Variants in SNRPC observed in about 807,000 individuals in gnomAD.
SNRPC encodes the protein U1 small nuclear ribonucleoprotein C.
A neutral mutation model predicts 20.0 loss-of-function variants in SNRPC; 5 were observed. The ratio of observed to expected loss-of-function variants is 0.25; its 90% CI spans 0.13 to 0.53. The LOEUF (loss-of-function observed/expected upper bound fraction) is 0.53, where lower values mean the gene tolerates loss of function less well. Among genes scored for constraint, SNRPC ranks in the 20% least tolerant of loss-of-function variants. The pLI is 0.96. For synonymous variants in SNRPC, 61 were observed against 58.7 expected (o/e 1.04, Z -0.18); for missense variants, 112 against 224.1 (o/e 0.50, Z 3.19).
At chr6:34,759,799 C>T (rs1474218313) in intron 2 of SNRPC, among the ~76,000 whole-genome samples, 1 of 152,188 alleles carries the variant, frequency 6.6e-6, no homozygotes, top group Non-Finnish European at 1.5e-5. Flanking sequence ...GTCTCAGAGA[C>T]CCTTAGATGT....
At chr6:34,768,630 T>C (rs1206226926) in intron 4 of SNRPC, among the ~76,000 whole-genome samples, 1 of 151,710 alleles carries the variant, frequency 6.6e-6, no homozygotes, top group Admixed American at 6.6e-5. Flanking sequence ...TGCACGTCTG[T>C]AGTCCCAGCT....
chr6:34,763,136 T>G (rs998486117), intron 3 of SNRPC, among the ~76,000 whole-genome samples: 6 of 152,178 alleles, frequency 3.9e-5, no homozygotes, highest in African/African-American at 9.7e-5. Flanking sequence ...GTAGTCCTGA[T>G]AGAGTACTAG....
rs114473576 is a variant in SNRPC, at chr6:34,762,573, A to G, written c.52-22A>G. 1.6e-3 allele frequency: 2,080 copies of G among 1,277,478 alleles called. 31 individuals are homozygous for G. The African/African-American group carries it at 0.026, about 16-fold the overall frequency. The allele number at this position is 1,277,478 out of a possible 1,614,324, so 79.1% of individuals were successfully genotyped here. ...TGTTGGACATTTGTTTCTACGTCTG[A>G]TATGATCTTTTTATTTTACAGCCAT... is the stretch of plus-strand genomic sequence containing the variant. On this transcript the variant is annotated intron_variant, in intron 2 of 5. Coordinates refer to ENST00000244520, the MANE Select transcript of SNRPC (RefSeq NM_003093.3).
chr6:34,768,840 G>A (rs1764649529), intron 4 of SNRPC, among the ~76,000 whole-genome samples: 1 of 152,056 alleles, frequency 6.6e-6, no homozygotes, highest in South Asian at 2.1e-4. Flanking sequence ...CAGCTTTCTG[G>A]GAAAGTTTGT....
chr6:34,761,049 A>G (rs979555589), intron 2 of SNRPC, among the ~76,000 whole-genome samples: 1 of 149,878 alleles, frequency 6.7e-6, no homozygotes, highest in African/African-American at 2.4e-5. Flanking sequence ...CTCCGTCTCA[A>G]AAAAAACCAA....
chr6:34,760,837 G>A (rs1764526020), intron 2 of SNRPC, among the ~76,000 whole-genome samples: 1 of 151,822 alleles, frequency 6.6e-6, no homozygotes, highest in African/African-American at 2.4e-5. Context: ...ACGAGATCAG[G>A]AGTTAAAACC....
chr6:34,772,628 G>T (rs187601165), intron 5 of SNRPC, among the ~76,000 whole-genome samples: 2 of 152,252 alleles, frequency 1.3e-5, no homozygotes, highest in Admixed American at 6.5e-5. Context: ...AAATTGGTAA[G>T]ATTTGATATT....
At chr6:34,761,810 G>C (rs1209854446) in intron 2 of SNRPC, among the ~76,000 whole-genome samples, 1 of 151,300 alleles carries the variant, frequency 6.6e-6, no homozygotes, top group Non-Finnish European at 1.5e-5. Context: ...CGCCCAGCCA[G>C]GAACAATTTT....
chr6:34,770,874 C>T (rs1004243554), intron 5 of SNRPC, among the ~76,000 whole-genome samples: 3 of 152,208 alleles, frequency 2.0e-5, no homozygotes, highest in Non-Finnish European at 4.4e-5. Flanking sequence ...TGCAGTTTAA[C>T]TTGGCCACAT....
intron 3 of SNRPC, 86 bp downstream of exon 3, chr6:34,762,789 CATTCTGA>C (rs1171000284): frequency 2.8e-6 from 2 of 707,046 alleles, no homozygotes; most frequent in African/African-American, 3.6e-5. Flanking sequence ...AGAGGCAACT[CATTCTGA>C]ATGATAAATA....
At position 34,757,968 on chromosome 6, in the gene SNRPC, C is replaced by G. The variant is rs779958575; in HGVS notation, c.51+14C>G. 12 of 1,600,608 alleles carry G rather than the reference C, an allele frequency of 7.5e-6. No individual in the cohort carries two copies. The highest frequency in any genetic ancestry group is 3.4e-6 in the Non-Finnish European group (4 of 1,177,018). On this transcript the variant is annotated intron_variant, in intron 2 of 5. Coordinates refer to ENST00000244520, the MANE Select transcript of SNRPC (RefSeq NM_003093.3). The stretch of plus-strand genomic sequence containing the variant: ...ACCCATGACTCTGTAAGTGGCATAT[C>G]TATTCATAGTTTCAAAAAGCCTTAT...
Position 34,773,579 on chromosome 6 carries a change from G to A in SNRPC, c.*9G>A. 2.5e-6 allele frequency: 4 copies of A among 1,612,582 alleles called. No homozygotes were observed. Among genetic ancestry groups the A allele is most frequent in the Non-Finnish European group, 3.4e-6 (4 of 1,179,256 alleles). On this transcript the variant is annotated 3_prime_UTR_variant, in exon 6 of 6. Coordinates refer to ENST00000244520, the MANE Select transcript of SNRPC (RefSeq NM_003093.3). This position sits in a 1 kb window ranked among gnomAD's most constrained non-coding sequence, Gnocchi z 4.1. ...CTCGACCAGACAGATAAGGATAGAG[G>A]GGAGGCCTTATTGTATCGGTTTTAT...
intron 3 of SNRPC, among the ~76,000 whole-genome samples, chr6:34,765,440 T>A (rs1764600216): frequency 1.3e-5 from 2 of 150,984 alleles, no homozygotes; most frequent in Admixed American, 6.6e-5. Flanking sequence ...TATTTATTTA[T>A]TTTATTTATT....
chr6:34,768,100 T>G, intron 4 of SNRPC, 103 bp downstream of exon 4: 1 of 874,056 alleles, frequency 1.1e-6, no homozygotes, highest in Non-Finnish European at 1.7e-6. Context: ...TGCATTTGTA[T>G]GTAGATAGTA....
intron 4 of SNRPC, 64 bp downstream of exon 4, chr6:34,768,061 T>A: frequency 6.8e-7 from 1 of 1,462,736 alleles, no homozygotes; most frequent in Non-Finnish European, 9.3e-7. Context: ...TTAGGTTAGA[T>A]TATCTCACCG....
At chr6:34,761,544 G>A (rs1277024786) in intron 2 of SNRPC, among the ~76,000 whole-genome samples, 6 of 134,190 alleles carry the variant, frequency 4.5e-5, no homozygotes, top group East Asian at 2.1e-4. Flanking sequence ...TTTTTGTGAC[G>A]GAGTATCTCT....
chr6:34,757,590 C>T, intron 1 of SNRPC, 39 bp downstream of exon 1: 1 of 1,602,328 alleles, frequency 6.2e-7, no homozygotes, highest in Non-Finnish European at 8.6e-7. Context: ...ATCGTAGTCA[C>T]TAGTTGTGGC....
intron 4 of SNRPC, 99 bp from the exon 5 acceptor site, chr6:34,770,192 G>A (rs1312652869): frequency 2.0e-5 from 18 of 889,390 alleles, no homozygotes; most frequent in Admixed American, 1.8e-4. Flanking sequence ...ATTGCACTCC[G>A]GCCTGGGCAA....
At chr6:34,767,825 C>T in intron 3 of SNRPC, 83 bp from the exon 4 acceptor site, 7 of 1,383,514 alleles carry the variant, frequency 5.1e-6, no homozygotes, top group Non-Finnish European at 6.7e-6. Context: ...CCGTTGAAGA[C>T]TTAAAGAAAG....
Sources: allele counts gnomAD v4.1 joint callset (sites outside exome capture counted in the v4.1 genomes callset), GRCh38; gene constraint gnomAD v4.1.1; non-coding constraint Gnocchi (gnomAD v3.1); transcripts MANE v1.5; gene names NCBI Gene and HGNC (gene_info 2026-07-23, HGNC 2026-07-21).